TMPRSS9: variants seen among roughly 807,000 people sequenced by gnomAD.
TMPRSS9 encodes the protein transmembrane serine protease 9.
In TMPRSS9, 113 loss-of-function variants were observed where a neutral mutation model predicts 111.4. That is an observed-to-expected ratio of 1.01 (90% CI 0.87 to 1.19). TMPRSS9 has a LOEUF of 1.19. TMPRSS9 is among the 50% of genes most tolerant of loss of function. The pLI is 0.00. For synonymous variants in TMPRSS9, 805 were observed against 659.1 expected, an observed-to-expected ratio of 1.22 and a Z score of -3.39; for missense variants, 1,803 against 1,513.1, an observed-to-expected ratio of 1.19 and a Z score of -3.18.
chr19:2,416,273 G>T (rs907007002), intron 11 of TMPRSS9: 5 of 490,672 alleles, frequency 1.0e-5, no homozygotes, highest in East Asian at 7.0e-5. Flanking sequence ...TAGGGGGTTG[G>T]GGGGGGGCAT....
chr19:2,415,800 G>T (rs147543670), exon 11 of TMPRSS9: 39 of 1,604,880 alleles, frequency 2.4e-5, no homozygotes, highest in African/African-American at 2.3e-4. Context: ...CAACTGTGGT[G>T]GGGGACCGCT....
intron 9 of TMPRSS9, among the ~76,000 whole-genome samples, chr19:2,411,744 G>A (rs1003258580): frequency 1.3e-5 from 2 of 152,096 alleles, no homozygotes; most frequent in African/African-American, 2.4e-5. Flanking sequence ...TAAAGACAGG[G>A]TTTCGCCATG....
At chr19:2,423,736 T>TG (rs1301353817) in intron 14 of TMPRSS9, among the ~76,000 whole-genome samples, 1 of 151,490 alleles carries the variant, frequency 6.6e-6, no homozygotes, top group Admixed American at 6.6e-5. Context: ...AAGGCAGGGC[T>TG]GGGGCCTCTG....
At chr19:2,423,475 G>C (rs193277520) in intron 14 of TMPRSS9, among the ~76,000 whole-genome samples, 1 of 126,610 alleles carries the variant, frequency 7.9e-6, no homozygotes, top group Non-Finnish European at 1.7e-5. Context: ...GGTGGGGGGC[G>C]GGGGGGACCC....
exon 4 of TMPRSS9, chr19:2,399,105 G>T: frequency 6.2e-7 from 1 of 1,613,662 alleles, no homozygotes; most frequent in Non-Finnish European, 8.5e-7. Flanking sequence ...TGGAGGAGGA[G>T]CTATTGCAGC....
In TMPRSS9 at chr19:2,413,863, G is replaced by A. The variant is rs773045853; in HGVS notation, c.1418G>A (p.Ser473Asn). 6 of 1,613,546 alleles carry A rather than the reference G, an allele frequency of 3.7e-6. No individual in the cohort carries two copies. The African/African-American group carries it at 5.3e-5, about 14-fold the overall frequency. Residue 473 changes from serine to asparagine, a missense_variant, in exon 10 of 18, where the codon AGC (serine) becomes AAC (asparagine). By Grantham distance (46) the Ser-to-Asn change is conservative. Transcript: ENST00000648592. The stretch of plus-strand genomic sequence containing the variant: ...ATCCTGGAGGCCACCACCAAAGCCA[G>A]CATGCCTCTGGCCCCCACCATGGCT...
chr19:2,389,730 C>T, upstream of TMPRSS9: 7 of 1,565,056 alleles, frequency 4.5e-6, no homozygotes, highest in South Asian at 1.1e-5. Flanking sequence ...GCCTCTGACC[C>T]CGTGTTTCTG....
Position 2,365,617 on chromosome 19 carries a change from C to CA in TMPRSS9, c.-26+5260dup, listed in dbSNP as rs141322653. On this transcript the variant is annotated intron_variant, in intron 1 of 17. Coordinates refer to the TMPRSS9 transcript ENST00000649857. ...TTAGGTGAAGGAAAAAACAAACAAA[C>CA]AAACAAAAAAAACAAAAAAACTACA... Among the ~76,000 whole-genome samples the CA allele has an allele frequency of 9.0e-3, 1,168 of 130,306 alleles. 18 individuals are homozygous for CA. The highest frequency in any genetic ancestry group is 0.035 in the Admixed American group (487 of 13,724). 85.5% of individuals were successfully genotyped at this position (130,306 alleles called of 152,430 possible). A position where few individuals can be genotyped will look rare whatever the true frequency, so the allele number is the denominator to read the frequency against.
chr19:2,375,162 G>T (rs73919619), intron 1 of TMPRSS9, among the ~76,000 whole-genome samples: 16,836 of 152,144 alleles, frequency 0.11, 1,804 homozygotes, highest in African/African-American at 0.29. Flanking sequence ...ACGTCTACAC[G>T]TGGCAGTTTA....
intron 1 of TMPRSS9, among the ~76,000 whole-genome samples, chr19:2,376,424 T>TTACAG (rs1440702106): frequency 6.6e-6 from 1 of 152,094 alleles, no homozygotes; most frequent in African/African-American, 2.4e-5. Flanking sequence ...TCAGAGTTAT[T>TTACAG]ATTCTGTGGC....
exon 10 of TMPRSS9, chr19:2,413,934 A>G (rs1568186266): frequency 6.2e-7 from 1 of 1,612,464 alleles, no homozygotes; most frequent in Non-Finnish European, 8.5e-7. Context: ...CAGTCCTGAG[A>G]GCCCTGTGGT....
At position 2,426,210 on chromosome 19, in the gene TMPRSS9, G is replaced by C. The variant is rs78609089; in HGVS notation, c.*122G>C. The C allele has an allele frequency of 3.7e-3, 4,214 of 1,154,240 alleles. 18 individuals are homozygous for C. Among genetic ancestry groups the C allele is most frequent in the East Asian group, 0.022 (413 of 19,126 alleles). 71.5% of individuals were successfully genotyped at this position (1,154,240 alleles called of 1,614,324 possible). On this transcript the variant is annotated 3_prime_UTR_variant, in exon 18 of 18. Transcript: ENST00000648592. Reference sequence around the variant, plus strand: ...GTGTGGGGGGGCTGTGGGTCATGGGGATGCATTTTGGTACCACCCTTTGTT... The same window carrying C: ...GTGTGGGGGGGCTGTGGGTCATGGGCATGCATTTTGGTACCACCCTTTGTT...
At chr19:2,363,483 T>G (rs1453821697) in intron 1 of TMPRSS9, among the ~76,000 whole-genome samples, 16 of 108,192 alleles carry the variant, frequency 1.5e-4, no homozygotes, top group African/African-American at 2.2e-4. Flanking sequence ...GACACATGGG[T>G]GGAGATTTGA....
chr19:2,425,345 G>T lies in TMPRSS9; in HGVS notation c.2984-12G>T. 1 of 1,465,912 alleles carries T rather than the reference G, an allele frequency of 6.8e-7. No homozygotes were observed. The allele number at this position is 1,465,912 out of a possible 1,614,324, so 90.8% of individuals were successfully genotyped here. A position where few individuals can be genotyped will look rare whatever the true frequency, so the allele number is the denominator to read the frequency against. ...GGTCCCCACCCGCCCCGTCTCGCTCGCCCGCCCGCAGGCTCCATGGCGCGG... is the reference window on the plus strand; with the variant it reads ...GGTCCCCACCCGCCCCGTCTCGCTCTCCCGCCCGCAGGCTCCATGGCGCGG... On this transcript the variant is annotated splice_polypyrimidine_tract_variant and intron_variant, in intron 16 of 17. Transcript: ENST00000648592.
intron 4 of TMPRSS9, among the ~76,000 whole-genome samples, chr19:2,401,265 C>T (rs1970841006): frequency 6.6e-6 from 1 of 151,560 alleles, no homozygotes; most frequent in Non-Finnish European, 1.5e-5. Flanking sequence ...CAGAGGGAGA[C>T]TCCGTCTCAA....
At position 2,396,329 on chromosome 19, in the gene TMPRSS9, C is replaced by T. The variant is rs149838081; in HGVS notation, c.143-210C>T. ...CCGGGTGGGTGGCTGTCATAGAATT[C>T]GGCTCCAAACCAGGATGCTTTTGGG... On this transcript the variant is annotated intron_variant, in intron 1 of 17. Coordinates refer to ENST00000648592, the Ensembl canonical transcript of TMPRSS9. 1.7e-3 allele frequency: 891 copies of T among 531,058 alleles called. 15 individuals are homozygous for T. In the East Asian group the frequency reaches 0.027, roughly 16 times the overall value. The allele number at this position is 531,058 out of a possible 1,614,324, so 32.9% of individuals were successfully genotyped here.
At chr19:2,420,413 G>A (rs953935707) in intron 13 of TMPRSS9, among the ~76,000 whole-genome samples, 14 of 140,176 alleles carry the variant, frequency 1.0e-4, no homozygotes, top group Non-Finnish European at 2.1e-4. Flanking sequence ...CTGCACTCCA[G>A]CCCGGGCAAC....
chr19:2,416,628 A>G, exon 12 of TMPRSS9: 1 of 1,612,742 alleles, frequency 6.2e-7, no homozygotes, highest in South Asian at 1.1e-5. Context: ...TGCGGCGGGT[A>G]GTGCTGCACC....
chr19:2,424,277 A>G lies in TMPRSS9; in HGVS notation c.2717+20A>G, dbSNP rs577532890. The G allele has an allele frequency of 1.5e-6, 2 of 1,343,850 alleles. No homozygotes were observed. The highest frequency in any genetic ancestry group is 3.0e-5 in the Admixed American group (1 of 33,164). The allele number at this position is 1,343,850 out of a possible 1,614,324, so 83.2% of individuals were successfully genotyped here. ...CGACGTGTGAGTTCCAAACGCTCCA[A>G]ATGCCCCTACATGTCTCTGTAGCTC... On this transcript the variant is annotated intron_variant, in intron 15 of 17. Transcript: ENST00000648592.
Sources: allele counts gnomAD v4.1 joint callset (sites outside exome capture counted in the v4.1 genomes callset), GRCh38; gene constraint gnomAD v4.1.1; transcripts MANE v1.5; gene names NCBI Gene and HGNC (gene_info 2026-07-23, HGNC 2026-07-21).